Variants in SDR9C7 observed in about 807,000 individuals in gnomAD.
SDR9C7 encodes the protein short chain dehydrogenase/reductase family 9C member 7.
Under a neutral mutation model 23.6 loss-of-function variants are expected in SDR9C7, and 11 were observed. The observed-to-expected ratio is 0.47, with a 90% confidence interval of 0.29 to 0.77. SDR9C7 has a LOEUF of 0.77. Ranked by LOEUF, SDR9C7 falls within the 30% of genes least tolerant of loss-of-function variation. SDR9C7 has a pLI of 0.09. For synonymous variants in SDR9C7, 167 were observed against 157.3 expected, an observed-to-expected ratio of 1.06 and a Z score of -0.46; for missense variants, 387 against 407.1, an observed-to-expected ratio of 0.95 and a Z score of 0.42.
chr12:56,924,615 GGAGATAATACTATCTTT>G (rs1180416656), intron 3 of SDR9C7, among the ~76,000 whole-genome samples: 1 of 152,104 alleles, frequency 6.6e-6, no homozygotes, highest in African/African-American at 2.4e-5. Context: ...TCTATAAAAT[GGAGATAATACTATCTTT>G]CCTAAAGTTT....
intron 1 of SDR9C7, 67 bp downstream of exon 1, chr12:56,933,894 A>T: frequency 3.9e-6 from 6 of 1,530,378 alleles, no homozygotes; most frequent in Non-Finnish European, 5.3e-6. Context: ...ATACTGTCAG[A>T]TGCTTCGGGA....
In SDR9C7 at chr12:56,923,738, T is replaced by C; in HGVS notation, c.*95A>G. 1.0e-6 allele frequency: 1 copy of C among 1,001,756 alleles called. No individual in the cohort carries two copies. The highest frequency in any genetic ancestry group is 1.5e-6 in the Non-Finnish European group (1 of 683,194). The allele number at this position is 1,001,756 out of a possible 1,614,324, so 62.1% of individuals were successfully genotyped here. On this transcript the variant is annotated 3_prime_UTR_variant, in exon 4 of 4. Coordinates refer to ENST00000293502, the MANE Select transcript of SDR9C7 (RefSeq NM_148897.3). ...TGAGCCAAGCTTCCTTTGCAGCCAA[T>C]GCCCCCAGGATAACCGATACCACCT...
intron 2 of SDR9C7, 127 bp from the exon 3 acceptor site, chr12:56,929,680 A>G: frequency 8.8e-7 from 1 of 1,141,932 alleles, no homozygotes; most frequent in Non-Finnish European, 1.2e-6. Flanking sequence ...TGGCCCTGGC[A>G]TTGCCTTTGT....
intron 3 of SDR9C7, among the ~76,000 whole-genome samples, chr12:56,926,105 G>A (rs1955732221): frequency 1.3e-5 from 2 of 152,192 alleles, no homozygotes; most frequent in Admixed American, 1.3e-4. Flanking sequence ...CTGGGCACCT[G>A]GGAAAATGTT....
chr12:56,929,445 C>A lies in SDR9C7; in HGVS notation c.669G>T (p.Trp223Cys). 1 of 1,613,672 alleles carries A rather than the reference C, an allele frequency of 6.2e-7. No individual in the cohort carries two copies. Among genetic ancestry groups the A allele is most frequent in the Non-Finnish European group, 8.5e-7 (1 of 1,179,584 alleles). Residue 223 changes from tryptophan (W) to cysteine (C), a missense_variant, in exon 3 of 4, where the codon TGG (tryptophan) becomes TGT (cysteine). Trp to Cys is a radical substitution (Grantham distance 215). Coordinates refer to ENST00000293502, the MANE Select transcript of SDR9C7 (RefSeq NM_148897.3). Reference sequence around the variant, plus strand: ...CCCGGGTCTCCTGAGGCAGCCTCTCCCAAAGCTTTCGCATGCGTGACTCCA... The same window carrying A: ...CCCGGGTCTCCTGAGGCAGCCTCTCACAAAGCTTTCGCATGCGTGACTCCA... ...ENLESRMRKL[W>C]ERLPQETRDS...
Position 56,929,397 on chromosome 12 carries a change from G to C in SDR9C7, c.717C>G (p.Phe239Leu). ...CCTGCCCCAGGAACTTACAGATGCG[G>C]AAATAATCCTCTCCGTAGCTGTCCC... Reference protein sequence around the residue: ...ETRDSYGEDYFRIYTDKLKNI... With the variant: ...ETRDSYGEDYLRIYTDKLKNI... The change falls in exon 3 of 4, where the codon TTC becomes TTG. Residue 239 changes from phenylalanine to leucine, a missense_variant. Physicochemically the swap from Phe to Leu is conservative, Grantham distance 22 (BLOSUM62 0). Coordinates refer to ENST00000293502, the MANE Select transcript of SDR9C7 (RefSeq NM_148897.3). 6.2e-7 allele frequency: 1 copy of C among 1,602,692 alleles called. No homozygotes were observed. Among genetic ancestry groups the C allele is most frequent in the Non-Finnish European group, 8.5e-7 (1 of 1,170,304 alleles).
chr12:56,929,614 C>G (rs1955755647), intron 2 of SDR9C7, 61 bp from the exon 3 acceptor site: 10 of 1,563,806 alleles, frequency 6.4e-6, no homozygotes, highest in Non-Finnish European at 8.8e-6. Context: ...CGGAGAGTCA[C>G]CTCTGGATGG....
chr12:56,930,542 C>A, intron 1 of SDR9C7, 58 bp from the exon 2 acceptor site: 1 of 1,583,026 alleles, frequency 6.3e-7, no homozygotes, highest in Middle Eastern at 1.8e-4. Context: ...GAACCAAGTT[C>A]TGCTCCCCAC....
intron 1 of SDR9C7, among the ~76,000 whole-genome samples, chr12:56,933,352 C>T (rs917375238): frequency 6.6e-5 from 10 of 152,076 alleles, no homozygotes; most frequent in African/African-American, 2.4e-4. Flanking sequence ...AGAGGCACAT[C>T]CTTTTTTTTT....
chr12:56,930,048 C>T (rs1955758105), intron 2 of SDR9C7, among the ~76,000 whole-genome samples, 178 bp downstream of exon 2: 1 of 152,018 alleles, frequency 6.6e-6, no homozygotes, highest in Non-Finnish European at 1.5e-5. Context: ...TCCACCCTAC[C>T]TCTTCTCCTC....
At position 56,930,392 on chromosome 12, in the gene SDR9C7, C is replaced by T. The variant is rs1176198408; in HGVS notation, c.394G>A (p.Val132Met). 3 of 1,614,066 alleles carry T rather than the reference C, an allele frequency of 1.9e-6. No individual in the cohort carries two copies. Among genetic ancestry groups the T allele is most frequent in the East Asian group, 2.2e-5 (1 of 44,888 alleles). ...ACTTCGATCAGTCCCACCAGGTTCA[C>T]ATTAATCACCTTCACAAAGTCATCC... ...TKDDFVKVIN[V>M]NLVGLIEVTL... is the part of the protein sequence containing the mutation. Residue 132 changes from valine (V) to methionine (M), a missense_variant, in exon 2 of 4, where the codon GTG becomes ATG. Transcript: ENST00000293502.
In SDR9C7 at chr12:56,934,115, G is replaced by GC. The variant is rs765046150; in HGVS notation, c.146dup (p.Met50HisfsTer10). 2 of 1,614,216 alleles carry GC rather than the reference G, an allele frequency of 1.2e-6. No individual in the cohort carries two copies. The highest frequency in any genetic ancestry group is 1.7e-6 in the Non-Finnish European group (2 of 1,180,042). ...TGAAGCAAGCAGCCAGCACCTGCAT[G>GC]CCCCGATCAACCAGCTGTTTGGCCA... On this transcript the variant is annotated frameshift_variant, in exon 1 of 4. Transcript: ENST00000293502. LOFTEE classifies it high-confidence loss of function.
intron 1 of SDR9C7, 57 bp from the exon 2 acceptor site, chr12:56,930,541 T>C: frequency 6.3e-7 from 1 of 1,587,768 alleles, no homozygotes; most frequent in Non-Finnish European, 8.6e-7. Flanking sequence ...AGAACCAAGT[T>C]CTGCTCCCCA....
At chr12:56,924,159 C>G (rs1955717205) in intron 3 of SDR9C7, 109 bp from the exon 4 acceptor site, 1 of 718,668 alleles carries the variant, frequency 1.4e-6, no homozygotes, top group South Asian at 1.8e-5. Flanking sequence ...TCTAACATTT[C>G]AGGCAGGTCC....
Position 56,924,067 on chromosome 12 carries a change from AG to A in SDR9C7, c.725-18del. The A allele has an allele frequency of 6.5e-7, 1 of 1,537,810 alleles. No homozygotes were observed. The highest frequency in any genetic ancestry group is 9.0e-7 in the Non-Finnish European group (1 of 1,115,278). On this transcript the variant is annotated intron_variant, in intron 3 of 3. Coordinates refer to ENST00000293502, the MANE Select transcript of SDR9C7 (RefSeq NM_148897.3). ...TGTCAGTATCTGTTTGAGGGCAGAGAGGGGAAAAAGGCTCTGTTATTCTTCA... is the reference window on the plus strand; with the variant it reads ...TGTCAGTATCTGTTTGAGGGCAGAGAGGGAAAAAGGCTCTGTTATTCTTCA...
intron 2 of SDR9C7, 152 bp from the exon 3 acceptor site, chr12:56,929,705 C>T (rs893446843): frequency 3.3e-6 from 3 of 915,924 alleles, no homozygotes; most frequent in African/African-American, 3.3e-5. Context: ...ATAAGCCCTT[C>T]CTTAGGGACT....
intron 3 of SDR9C7, among the ~76,000 whole-genome samples, chr12:56,927,465 CT>C (rs1955741618): frequency 6.6e-6 from 1 of 152,216 alleles, no homozygotes; most frequent in Non-Finnish European, 1.5e-5. Context: ...TTCCCAACAG[CT>C]GCAGATTTCC....
intron 3 of SDR9C7, among the ~76,000 whole-genome samples, chr12:56,928,306 C>G (rs1287805285): frequency 6.6e-6 from 1 of 152,098 alleles, no homozygotes; most frequent in African/African-American, 2.4e-5. Flanking sequence ...CCCTACGCAT[C>G]CCCTCTTTCC....
At position 56,929,422 on chromosome 12, in the gene SDR9C7, C is replaced by G. The variant is rs75997315; in HGVS notation, c.692G>C (p.Arg231Pro). The change falls in exon 3 of 4, where the codon CGG (arginine) becomes CCG (proline). Residue 231 changes from arginine to proline, a missense_variant. Arg to Pro is a moderately radical substitution (Grantham distance 103). Coordinates refer to ENST00000293502, the MANE Select transcript of SDR9C7 (RefSeq NM_148897.3). ...GAAATAATCCTCTCCGTAGCTGTCCCGGGTCTCCTGAGGCAGCCTCTCCCA... is the reference window on the plus strand; with the variant it reads ...GAAATAATCCTCTCCGTAGCTGTCCGGGGTCTCCTGAGGCAGCCTCTCCCA... ...KLWERLPQET[R>P]DSYGEDYFRI... 3 of 1,612,304 alleles carry G rather than the reference C, an allele frequency of 1.9e-6. No homozygotes were observed. The highest frequency in any genetic ancestry group is 2.2e-5 in the South Asian group (2 of 91,068).
Sources: gnomAD v4.1 joint callset for allele counts (sites outside exome capture counted in the v4.1 genomes callset) on GRCh38, gnomAD v4.1.1 for gene constraint, MANE v1.5 for transcripts, NCBI Gene and HGNC (gene_info 2026-07-23, HGNC 2026-07-21) for gene names.